The following EPHA3 variants were observed in gnomAD, a reference collection of about 807,000 sequenced individuals.
EPHA3 encodes EPH receptor A3, also known as ephrin type-A receptor 3.
EPHA3 carries 42 observed loss-of-function variants against 107.1 expected under a neutral mutation model. The observed-to-expected ratio is 0.39, with a 90% confidence interval of 0.31 to 0.51. The LOEUF (loss-of-function observed/expected upper bound fraction) is 0.51, where lower values mean the gene tolerates loss of function less well. EPHA3 is among the 20% of genes least tolerant of loss of function. The pLI, the probability that EPHA3 is intolerant of heterozygous loss-of-function variation, is 0.78. For synonymous variants in EPHA3, 461 were observed against 424.8 expected (o/e 1.09, Z -1.05); for missense variants, 1,183 against 1,211.2 (o/e 0.98, Z 0.35).
intron 1 of EPHA3, among the ~76,000 whole-genome samples, chr3:89,110,439 T>C (rs1186186683): frequency 2.6e-5 from 4 of 151,954 alleles, no homozygotes; most frequent in Non-Finnish European, 5.9e-5. Flanking sequence ...TAGAAAATGT[T>C]TAATCTGAAT....
chr3:89,246,400 T>A (rs1223147309), intron 3 of EPHA3, among the ~76,000 whole-genome samples: 2 of 151,768 alleles, frequency 1.3e-5, no homozygotes, highest in Admixed American at 6.6e-5. Context: ...AAAGTAAGTT[T>A]AAAAAGTTAT....
chr3:89,427,668 G>A (rs866564928), intron 11 of EPHA3, among the ~76,000 whole-genome samples: 14 of 151,916 alleles, frequency 9.2e-5, no homozygotes, highest in Middle Eastern at 3.4e-3. Flanking sequence ...AGAGACAGTC[G>A]TGTTTAAAAT....
chr3:89,211,494 C>G (rs539101586), intron 3 of EPHA3, among the ~76,000 whole-genome samples: 10 of 152,134 alleles, frequency 6.6e-5, no homozygotes, highest in African/African-American at 2.4e-4. Flanking sequence ...TACACTCTGT[C>G]AAGTCTGGTG....
At chr3:89,118,225 A>G (rs1374127494) in intron 1 of EPHA3, among the ~76,000 whole-genome samples, 4 of 152,006 alleles carry the variant, frequency 2.6e-5, no homozygotes, top group African/African-American at 9.7e-5. Flanking sequence ...TTGTTCTCTG[A>G]AAAAGAAATT....
At chr3:89,336,469 TTGA>T (rs2107408655) in intron 3 of EPHA3, among the ~76,000 whole-genome samples, 1 of 152,312 alleles carries the variant, frequency 6.6e-6, no homozygotes, top group African/African-American at 2.4e-5. Context: ...AGATTGCTTA[TTGA>T]TGATATAAAT....
At position 89,223,199 on chromosome 3, in the gene EPHA3, C is replaced by T. The variant is rs537503701; in HGVS notation, c.814+12679C>T. On this transcript the variant is annotated intron_variant, in intron 3 of 16. Coordinates refer to ENST00000336596, the MANE Select transcript of EPHA3 (RefSeq NM_005233.6). ...TCTCCTTTTTAAAAAACTCCTCTTA[C>T]GATCATTCCCAGTAAATCAAAATCT... Among the ~76,000 whole-genome samples the T allele has an allele frequency of 3.3e-5, 5 of 152,176 alleles. No homozygotes were observed. In the East Asian group the frequency reaches 5.8e-4, roughly 18 times the overall value.
At chr3:89,400,617 A>ATGTG (rs1207783975) in intron 7 of EPHA3, among the ~76,000 whole-genome samples, 1 of 146,776 alleles carries the variant, frequency 6.8e-6, no homozygotes, top group African/African-American at 2.5e-5. Flanking sequence ...ATACATAATT[A>ATGTG]TGTGTGTGTG....
At chr3:89,179,782 A>G (rs1576208586) in intron 2 of EPHA3, among the ~76,000 whole-genome samples, 1 of 151,934 alleles carries the variant, frequency 6.6e-6, no homozygotes, top group South Asian at 2.1e-4. Flanking sequence ...CAAGTCAAAC[A>G]TACTCACACT....
intron 13 of EPHA3, among the ~76,000 whole-genome samples, chr3:89,441,992 G>A (rs1014178714): frequency 1.8e-4 from 27 of 152,108 alleles, no homozygotes; most frequent in African/African-American, 6.5e-4. Context: ...TGTAGCTGTA[G>A]ACAGTGTTTG....
intron 5 of EPHA3, among the ~76,000 whole-genome samples, chr3:89,375,643 C>G (rs750984977): frequency 1.3e-5 from 2 of 151,764 alleles, no homozygotes; most frequent in Non-Finnish European, 2.9e-5. Flanking sequence ...CCCAAGACTT[C>G]CAGCCTAAAG....
At chr3:89,322,054 T>A (rs1479254075) in intron 3 of EPHA3, among the ~76,000 whole-genome samples, 2 of 151,700 alleles carry the variant, frequency 1.3e-5, no homozygotes, top group Non-Finnish European at 2.9e-5. Context: ...TTCAAATGAG[T>A]CTACTTCAGT....
At chr3:89,213,713 C>T (rs1053004457) in intron 3 of EPHA3, among the ~76,000 whole-genome samples, 32 of 151,994 alleles carry the variant, frequency 2.1e-4, no homozygotes, top group Admixed American at 3.9e-4. Context: ...AATAAAGCAA[C>T]CGTCTAAACA....
chr3:89,424,953 G>A (rs1709427477), intron 11 of EPHA3, among the ~76,000 whole-genome samples: 1 of 151,312 alleles, frequency 6.6e-6, no homozygotes, highest in African/African-American at 2.4e-5. Context: ...AGGAAGTCTT[G>A]GAGAAAGTGT....
At chr3:89,411,320 G>A (rs1709150947) in intron 9 of EPHA3, among the ~76,000 whole-genome samples, 1 of 151,830 alleles carries the variant, frequency 6.6e-6, no homozygotes. Flanking sequence ...TGTGGATATT[G>A]ACTTCTAGAT....
chr3:89,384,019 C>A (rs1708564032), intron 5 of EPHA3, among the ~76,000 whole-genome samples: 1 of 151,926 alleles, frequency 6.6e-6, no homozygotes, highest in Non-Finnish European at 1.5e-5. Context: ...CATTCAAAAC[C>A]ACATGTTCAT....
intron 3 of EPHA3, among the ~76,000 whole-genome samples, chr3:89,339,973 T>C (rs1707481088): frequency 6.6e-6 from 1 of 152,202 alleles, no homozygotes; most frequent in Admixed American, 6.5e-5. Context: ...CTTCTTGGAA[T>C]TTTCACTATG....
chr3:89,210,655 TG>T (rs538600655), intron 3 of EPHA3, 135 bp downstream of exon 3: 76 of 873,236 alleles, frequency 8.7e-5, no homozygotes, highest in Non-Finnish European at 1.2e-4. Context: ...AGTCTATTTA[TG>T]GACTAAAATT....
intron 2 of EPHA3, among the ~76,000 whole-genome samples, chr3:89,205,651 A>T (rs146627166): frequency 5.9e-5 from 9 of 152,326 alleles, no homozygotes; most frequent in African/African-American, 2.2e-4. Context: ...AGAGGTTGAA[A>T]AAGTATTTTG....
intron 11 of EPHA3, among the ~76,000 whole-genome samples, chr3:89,424,554 A>G (rs1157729548): frequency 6.6e-6 from 1 of 151,354 alleles, no homozygotes; most frequent in East Asian, 1.9e-4. Flanking sequence ...CAAATAAATC[A>G]GCTCCTTTAT....
Sources: allele counts gnomAD v4.1 joint callset (sites outside exome capture counted in the v4.1 genomes callset), GRCh38; gene constraint gnomAD v4.1.1; transcripts MANE v1.5; gene names NCBI Gene and HGNC (gene_info 2026-07-23, HGNC 2026-07-21).